MYO18A: variants seen among roughly 807,000 people sequenced by gnomAD.
MYO18A encodes the protein myosin XVIIIA, also known as unconventional myosin-XVIIIa.
In MYO18A, 78 loss-of-function variants were observed where a neutral mutation model predicts 235.8. The observed-to-expected ratio is 0.33, with a 90% CI of 0.28 to 0.40. The LOEUF is 0.40. MYO18A is among the 10% of genes least tolerant of loss of function. The pLI, the probability that MYO18A is intolerant of heterozygous loss-of-function variation, is 1.00. For synonymous variants in MYO18A, 977 were observed against 1,077.8 expected, an observed-to-expected ratio of 0.91 and a Z score of 1.83; for missense variants, 2,215 against 2,699.3, an observed-to-expected ratio of 0.82 and a Z score of 3.98.
intron 27 of MYO18A, 48 bp downstream of exon 27, chr17:29,097,175 C>T (rs775873123): frequency 3.1e-6 from 5 of 1,597,662 alleles, no homozygotes; most frequent in Non-Finnish European, 4.2e-6. Flanking sequence ...GGCACCAGTC[C>T]TCTCCTGGCC....
intron 2 of MYO18A, among the ~76,000 whole-genome samples, chr17:29,135,375 TAC>T (rs1396363087): frequency 2.0e-5 from 3 of 152,222 alleles, no homozygotes; most frequent in Non-Finnish European, 4.4e-5. Flanking sequence ...GTGCTGGGAT[TAC>T]AGAGGTGAGC....
At chr17:29,177,150 C>T (rs1018142566) in intron 1 of MYO18A, among the ~76,000 whole-genome samples, 1 of 152,214 alleles carries the variant, frequency 6.6e-6, no homozygotes, top group Admixed American at 6.5e-5. Flanking sequence ...CAGATTTGGC[C>T]CTCAGCCTCT....
Position 29,126,110 on chromosome 17 carries a change from A to C in MYO18A, c.1000-3857T>G, listed in dbSNP as rs972312100. 4 of 210,418 alleles carry C rather than the reference A, an allele frequency of 1.9e-5. No individual in the cohort carries two copies. Among genetic ancestry groups the C allele is most frequent in the Non-Finnish European group, 3.3e-5 (4 of 120,992 alleles). The allele number at this position is 210,418 out of a possible 1,614,324, so 13.0% of individuals were successfully genotyped here. On this transcript the variant is annotated intron_variant, in intron 2 of 41. Transcript: ENST00000527372. The surrounding 1 kb of genome is among the most constrained non-coding windows in gnomAD (Gnocchi z 4.1). The stretch of plus-strand genomic sequence containing the variant: ...AGCCGCGCGGCAATCTGAGTTTTTA[A>C]ACCATCAGATTAGAAAAAAAAGAAC...
At chr17:29,155,703 C>G (rs1321277265) in intron 2 of MYO18A, among the ~76,000 whole-genome samples, 1 of 152,228 alleles carries the variant, frequency 6.6e-6, no homozygotes, top group East Asian at 1.9e-4. Flanking sequence ...GCCAGAGAAC[C>G]TGGGTCCAGA....
Position 29,140,429 on chromosome 17 carries a change from T to C in MYO18A, c.1000-18176A>G. ...GTTAGCAGCTCAAAATAGCACAGGC[T>C]GTGGCCCCGCCCAGTTCCCGCCCTC... On this transcript the variant is annotated intron_variant, in intron 2 of 41. Transcript: ENST00000527372. The surrounding 1 kb of genome is among the most constrained non-coding windows in gnomAD (Gnocchi z 4.2). 1.6e-6 allele frequency: 2 copies of C among 1,267,382 alleles called. No homozygotes were observed. Among genetic ancestry groups the C allele is most frequent in the South Asian group, 2.6e-5 (2 of 78,082 alleles). The allele number at this position is 1,267,382 out of a possible 1,614,324, so 78.5% of individuals were successfully genotyped here. A position where few individuals can be genotyped will look rare whatever the true frequency, so the allele number is the denominator to read the frequency against.
Position 29,140,683 on chromosome 17 carries a change from G to A in MYO18A, c.1000-18430C>T, listed in dbSNP as rs186639263. ...GCCTATGGACACACACCCCAGCTCC[G>A]GGACAGCTGGGCTGATATGGCTCCT... On this transcript the variant is annotated intron_variant, in intron 2 of 41. Transcript: ENST00000527372. The surrounding 1 kb of genome is among the most constrained non-coding windows in gnomAD (Gnocchi z 4.2). Among the ~76,000 whole-genome samples the A allele has an allele frequency of 8.0e-4, 121 of 152,200 alleles. No individual in the cohort carries two copies. Among genetic ancestry groups the A allele is most frequent in the Non-Finnish European group, 1.3e-3 (90 of 68,008 alleles).
At chr17:29,173,779 A>T (rs11080086) in intron 1 of MYO18A, among the ~76,000 whole-genome samples, 67,930 of 151,644 alleles carry the variant, frequency 0.45, 16,121 homozygotes, top group African/African-American at 0.62. Flanking sequence ...GAAAAAAAAA[A>T]ATTTTTTTAA....
rs1488080066 is a variant in MYO18A at position 29,109,258 on chromosome 17, T to C, written c.3331+600A>G. Among the ~76,000 whole-genome samples the C allele has an allele frequency of 6.6e-6, 1 of 152,164 alleles. No individual in the cohort carries two copies. The highest frequency in any genetic ancestry group is 1.5e-5 in the Non-Finnish European group (1 of 68,022). On this transcript the variant is annotated intron_variant, in intron 19 of 41. Coordinates refer to ENST00000527372, the MANE Select transcript of MYO18A (RefSeq NM_078471.4). The surrounding 1 kb of genome is among the most constrained non-coding windows in gnomAD (Gnocchi z 4.1). ...CCCACTCTGCCACTCAGGAGCTGTGTGACCTTGGGCAAGCTACTTAACCTC... is the reference window on the plus strand; with the variant it reads ...CCCACTCTGCCACTCAGGAGCTGTGCGACCTTGGGCAAGCTACTTAACCTC...
At position 29,072,853 on chromosome 17, in the gene MYO18A, C is replaced by T. The variant is rs1263067464; in HGVS notation, c.*1917G>A. On this transcript the variant is annotated 3_prime_UTR_variant, in exon 42 of 42. Transcript: ENST00000527372. Reference sequence around the variant, plus strand: ...AGGAGGGGTGTCATTTGTTTCTTGCCTTTCTGCATGAGCTGCCTCTTAGCT... The same window carrying T: ...AGGAGGGGTGTCATTTGTTTCTTGCTTTTCTGCATGAGCTGCCTCTTAGCT... The T allele has an allele frequency of 6.6e-6, 1 of 152,230 alleles. No homozygotes were observed. Among genetic ancestry groups the T allele is most frequent in the African/African-American group, 2.4e-5 (1 of 41,432 alleles). 9.4% of individuals were successfully genotyped at this position (152,230 alleles called of 1,614,324 possible).
intron 2 of MYO18A, among the ~76,000 whole-genome samples, chr17:29,160,314 C>T (rs2068145876): frequency 6.6e-6 from 1 of 152,190 alleles, no homozygotes; most frequent in Admixed American, 6.5e-5. Context: ...CCAACTTAAC[C>T]TTCTCAACCT....
Position 29,166,118 on chromosome 17 carries a change from G to T in MYO18A, c.823C>A (p.Arg275=), listed in dbSNP as rs1200256204. ...DLALGLVPGD[R]LVEINGHNVE... is the part of the protein sequence containing the mutation. Reference sequence around the variant, plus strand: ...TTGTGCCCATTAATCTCCACCAGTCGATCTCCTGGCACCAGCCCCAGGGCC... The same window carrying T: ...TTGTGCCCATTAATCTCCACCAGTCTATCTCCTGGCACCAGCCCCAGGGCC... Residue 275 remains arginine (R), a synonymous_variant, in exon 2 of 42, where the codon CGA becomes AGA. Transcript: ENST00000527372. 1.2e-6 allele frequency: 2 copies of T among 1,613,208 alleles called. No homozygotes were observed. Among genetic ancestry groups the T allele is most frequent in the Non-Finnish European group, 1.7e-6 (2 of 1,179,898 alleles).
At chr17:29,086,670 G>A in intron 38 of MYO18A, 93 bp from the exon 39 acceptor site, 1 of 1,482,828 alleles carries the variant, frequency 6.7e-7, no homozygotes, top group Non-Finnish European at 9.1e-7. Flanking sequence ...CCGGTCATGG[G>A]GGTGCTACCT....
chr17:29,074,542 C>G lies in MYO18A; in HGVS notation c.*228G>C. 1 of 596,986 alleles carries G rather than the reference C, an allele frequency of 1.7e-6. No homozygotes were observed. The highest frequency in any genetic ancestry group is 2.3e-5 in the South Asian group (1 of 43,084). 37.0% of individuals were successfully genotyped at this position (596,986 alleles called of 1,614,324 possible). On this transcript the variant is annotated 3_prime_UTR_variant, in exon 42 of 42. Coordinates refer to ENST00000527372, the MANE Select transcript of MYO18A (RefSeq NM_078471.4). The surrounding 1 kb of genome is among the most constrained non-coding windows in gnomAD (Gnocchi z 4.4). ...AAGCCAAGAGTCTGGCATTTTGAGA[C>G]AGAGGAGCAAAAAGTTCTCTTCAGA...
At chr17:29,089,261 T>A (rs1235157166) in intron 37 of MYO18A, among the ~76,000 whole-genome samples, 1 of 149,896 alleles carries the variant, frequency 6.7e-6, no homozygotes, top group Non-Finnish European at 1.5e-5. Context: ...TGAAACCCCC[T>A]CTCTACTAAA....
intron 1 of MYO18A, among the ~76,000 whole-genome samples, chr17:29,173,572 A>G (rs553431235): frequency 1.9e-3 from 281 of 151,518 alleles, no homozygotes; most frequent in Admixed American, 3.2e-3. Flanking sequence ...TATTTTTAGT[A>G]GAGACGGGGT....
rs570682420 is a variant in MYO18A, at chr17:29,111,321, CT to C, written c.2900+102del. 3.4e-4 allele frequency: 461 copies of C among 1,361,144 alleles called. No homozygotes were observed. In the African/African-American group the frequency reaches 5.5e-3, roughly 16 times the overall value. 84.3% of individuals were successfully genotyped at this position (1,361,144 alleles called of 1,614,324 possible). ...GCCTCTCAGGAATAAAGGCCATCTA[CT>C]TTGCTAGTGAGGGGGCCTCTGAGAC... is the stretch of plus-strand genomic sequence containing the variant. On this transcript the variant is annotated intron_variant, in intron 17 of 41. Coordinates refer to ENST00000527372, the MANE Select transcript of MYO18A (RefSeq NM_078471.4). The surrounding 1 kb of genome is among the most constrained non-coding windows in gnomAD (Gnocchi z 5.1).
rs774400910 is a variant in MYO18A, at chr17:29,118,064, C to T, written c.2019G>A (p.Gly673=). The change falls in exon 10 of 42, where the codon GGG becomes GGA. Residue 673 remains glycine, a synonymous_variant. Transcript: ENST00000527372. The surrounding 1 kb of genome is among the most constrained non-coding windows in gnomAD (Gnocchi z 4.2). ...WFILAAIYHL[G]AAGATKEAAE... ...GGTTACCTTTGGTGGCTCCCGCAGC[C>T]CCCAGGTGGTAGATGGCAGCCAGAA... 2 of 1,586,458 alleles carry T rather than the reference C, an allele frequency of 1.3e-6. No individual in the cohort carries two copies. The highest frequency in any genetic ancestry group is 2.3e-5 in the South Asian group (2 of 86,900).
intron 41 of MYO18A, among the ~76,000 whole-genome samples, chr17:29,079,156 T>A (rs2066056053): frequency 6.6e-6 from 1 of 152,204 alleles, no homozygotes; most frequent in Non-Finnish European, 1.5e-5. Flanking sequence ...GCTTGGGACC[T>A]TTCCTGGCCC....
At chr17:29,142,471 TG>T (rs1357732500) in intron 2 of MYO18A, among the ~76,000 whole-genome samples, 3 of 152,238 alleles carry the variant, frequency 2.0e-5, no homozygotes, top group Non-Finnish European at 4.4e-5. Context: ...AGTATGAGAC[TG>T]GTACATAATG....
Sources: allele counts gnomAD v4.1 joint callset (sites outside exome capture counted in the v4.1 genomes callset), GRCh38; gene constraint gnomAD v4.1.1; non-coding constraint Gnocchi (gnomAD v3.1); transcripts MANE v1.5; gene names NCBI Gene and HGNC (gene_info 2026-07-23, HGNC 2026-07-21).